CFAP54: variants seen among roughly 807,000 people sequenced by gnomAD.
The protein encoded by CFAP54 is cilia- and flagella-associated protein 54.
A neutral mutation model predicts 370.4 loss-of-function variants in CFAP54; 290 were observed. That is an observed-to-expected ratio of 0.78 (90% CI 0.71 to 0.86). The LOEUF (loss-of-function observed/expected upper bound fraction) is 0.86. Among genes scored for constraint, CFAP54 ranks in the 40% least tolerant of loss-of-function variants. The pLI, the probability that CFAP54 is intolerant of heterozygous loss-of-function variation, is 0.00. For missense variants in CFAP54, 3,399 were observed against 3,528.7 expected (o/e 0.96, Z 0.93); for synonymous variants, 1,206 against 1,236.5 (o/e 0.98, Z 0.52).
intron 39 of CFAP54, among the ~76,000 whole-genome samples, chr12:96,678,813 G>A (rs2136546044): frequency 6.6e-6 from 1 of 152,244 alleles, no homozygotes; most frequent in African/African-American, 2.4e-5. Context: ...AATTTCTTGA[G>A]GGCAAAGACC....
At chr12:96,799,820 A>G (rs1958803573) in intron 63 of CFAP54, among the ~76,000 whole-genome samples, 1 of 152,230 alleles carries the variant, frequency 6.6e-6, no homozygotes, top group Non-Finnish European at 1.5e-5. Context: ...GTCAAGGAGT[A>G]TAGTGAATCA....
chr12:96,856,481 A>C (rs554414532), intron 66 of CFAP54, among the ~76,000 whole-genome samples: 1 of 152,268 alleles, frequency 6.6e-6, no homozygotes, highest in South Asian at 2.1e-4. Context: ...TATCTCTCTG[A>C]AGTTCAGAGT....
intron 65 of CFAP54, among the ~76,000 whole-genome samples, chr12:96,825,150 T>C (rs958989241): frequency 6.7e-6 from 1 of 148,292 alleles, no homozygotes; most frequent in Non-Finnish European, 1.5e-5. Context: ...TCTTCCATGT[T>C]TCTACTACTA....
At chr12:96,796,820 T>TC (rs1958768042) in intron 63 of CFAP54, among the ~76,000 whole-genome samples, 2 of 152,180 alleles carry the variant, frequency 1.3e-5, no homozygotes, top group African/African-American at 4.8e-5. Context: ...TTGTGTATTC[T>TC]CCTCTTTTTC....
intron 47 of CFAP54, among the ~76,000 whole-genome samples, chr12:96,705,860 A>C (rs529056380): frequency 3.9e-5 from 6 of 152,330 alleles, no homozygotes. Flanking sequence ...TCATTAAATC[A>C]CTGTTTGCTG....
chr12:96,866,382 C>T (rs887498195), intron 67 of CFAP54, among the ~76,000 whole-genome samples: 2 of 152,114 alleles, frequency 1.3e-5, no homozygotes, highest in Non-Finnish European at 2.9e-5. Flanking sequence ...TAATTTGTAA[C>T]ATAACCTGTA....
At chr12:96,645,900 T>A (rs1238611955) in intron 33 of CFAP54, 2 of 152,204 alleles carry the variant, frequency 1.3e-5, no homozygotes, top group Admixed American at 6.5e-5. Flanking sequence ...TAGCCATATT[T>A]AGAAAGTTGA....
At chr12:96,730,397 G>C (rs1957907719) in intron 50 of CFAP54, among the ~76,000 whole-genome samples, 1 of 152,112 alleles carries the variant, frequency 6.6e-6, no homozygotes, top group African/African-American at 2.4e-5. Flanking sequence ...CCATAACAGA[G>C]AGTTAGCAGA....
intron 1 of CFAP54, among the ~76,000 whole-genome samples, chr12:96,490,828 A>G (rs1005962995): frequency 5.3e-5 from 8 of 152,166 alleles, no homozygotes; most frequent in Non-Finnish European, 1.2e-4. Flanking sequence ...ACATATAAGA[A>G]TCCATGTCCT....
intron 22 of CFAP54, among the ~76,000 whole-genome samples, chr12:96,582,186 AT>A (rs1956039157): frequency 1.3e-5 from 2 of 152,174 alleles, no homozygotes; most frequent in Non-Finnish European, 2.9e-5. Flanking sequence ...CCTGTCAAAT[AT>A]TATCACACAG....
At chr12:96,736,100 C>A (rs1331006121) in intron 50 of CFAP54, among the ~76,000 whole-genome samples, 1 of 152,064 alleles carries the variant, frequency 6.6e-6, no homozygotes, top group Non-Finnish European at 1.5e-5. Context: ...CCAAATCAGC[C>A]AAAAGGGGAA....
rs1286045521 is a variant in CFAP54, at chr12:96,556,838, C to T, written c.2410+2036C>T. ...AATACTGCATGTTGTCACTTATAAGCGAGAGCTAAATGATAAGAACACATG... is the reference window on the plus strand; with the variant it reads ...AATACTGCATGTTGTCACTTATAAGTGAGAGCTAAATGATAAGAACACATG... On this transcript the variant is annotated intron_variant, in intron 17 of 67. Coordinates refer to ENST00000524981, the MANE Select transcript of CFAP54 (RefSeq NM_001306084.2). Among the ~76,000 whole-genome samples, 9 of 151,974 alleles carry T rather than the reference C, an allele frequency of 5.9e-5. No homozygotes were observed. The East Asian group carries it at 7.7e-4, about 13-fold the overall frequency.
At chr12:96,841,592 G>A (rs552673069) in intron 66 of CFAP54, among the ~76,000 whole-genome samples, 1 of 152,186 alleles carries the variant, frequency 6.6e-6, no homozygotes, top group Non-Finnish European at 1.5e-5. Flanking sequence ...TTGGGCATTA[G>A]CCATTTGAGA....
At position 96,647,858 on chromosome 12, in the gene CFAP54, T is replaced by C; in HGVS notation, c.4548-17T>C. On this transcript the variant is annotated splice_polypyrimidine_tract_variant and intron_variant, in intron 33 of 67. Transcript: ENST00000524981. ...TTGCTTATATTGTTTTTTAATATGATTTTTCCCCCCTTGCAGTTTCCGATC... is the reference window on the plus strand; with the variant it reads ...TTGCTTATATTGTTTTTTAATATGACTTTTCCCCCCTTGCAGTTTCCGATC... The C allele has an allele frequency of 6.7e-7, 1 of 1,485,050 alleles. No homozygotes were observed. The allele number at this position is 1,485,050 out of a possible 1,614,324, so 92.0% of individuals were successfully genotyped here.
In CFAP54 at chr12:96,874,803, G is replaced by T. The variant is rs1027186921; in HGVS notation, c.*15-315G>T. Among the ~76,000 whole-genome samples, 10 of 151,304 alleles carry T rather than the reference G, an allele frequency of 6.6e-5. 1 individual carries two copies. The highest frequency in any genetic ancestry group is 2.2e-4 in the African/African-American group (9 of 41,142). Reference sequence around the variant, plus strand: ...CGCCACTACGCCCGGCTAACTTTTTGTATTTTTAGTAGAGACGGGGTTTCA... The same window carrying T: ...CGCCACTACGCCCGGCTAACTTTTTTTATTTTTAGTAGAGACGGGGTTTCA... On this transcript the variant is annotated intron_variant, in intron 67 of 67. Coordinates refer to ENST00000524981, the MANE Select transcript of CFAP54 (RefSeq NM_001306084.2).
rs376205736 is a variant in CFAP54 at position 96,671,928 on chromosome 12, AAGAG to A, written c.5564-7654_5564-7651del. Among the ~76,000 whole-genome samples, 307 of 150,078 alleles carry A rather than the reference AAGAG, an allele frequency of 2.0e-3. 1 individual carries two copies. Among genetic ancestry groups the A allele is most frequent in the Middle Eastern group, 3.4e-3 (1 of 292 alleles). On this transcript the variant is annotated intron_variant, in intron 39 of 67. Coordinates refer to ENST00000524981, the MANE Select transcript of CFAP54 (RefSeq NM_001306084.2). ...CAAGAGTGAAACTCTTATCTCAAAAAAGAGAGAGAGAGAGAGAGAGAAGGAAAGA... is the reference window on the plus strand; with the variant it reads ...CAAGAGTGAAACTCTTATCTCAAAAAAGAGAGAGAGAGAGAGAAGGAAAGA...
intron 65 of CFAP54, among the ~76,000 whole-genome samples, chr12:96,828,395 C>T (rs1959152309): frequency 6.6e-6 from 1 of 152,024 alleles, no homozygotes; most frequent in South Asian, 2.1e-4. Flanking sequence ...TCACTCGTCT[C>T]TATCTTCTCC....
At chr12:96,797,910 C>T (rs970760040) in intron 63 of CFAP54, among the ~76,000 whole-genome samples, 3 of 151,578 alleles carry the variant, frequency 2.0e-5, no homozygotes, top group African/African-American at 7.3e-5. Context: ...GTTGTTTTTC[C>T]TCTCCTTTAA....
At chr12:96,530,377 C>A (rs1955429099) in intron 9 of CFAP54, among the ~76,000 whole-genome samples, 1 of 152,172 alleles carries the variant, frequency 6.6e-6, no homozygotes, top group South Asian at 2.1e-4. Context: ...GTAGTCCCAG[C>A]TACTTGGGAG....
Sources: allele counts gnomAD v4.1 joint callset (sites outside exome capture counted in the v4.1 genomes callset), GRCh38; gene constraint gnomAD v4.1.1; transcripts MANE v1.5; gene names NCBI Gene and HGNC (gene_info 2026-07-23, HGNC 2026-07-21).